ARSL: variants seen among roughly 807,000 people sequenced by gnomAD.
The protein encoded by ARSL is arylsulfatase E (chondrodysplasia punctata 1).
In ARSL, 4 loss-of-function variants were observed where a neutral mutation model predicts 31.1. The observed-to-expected ratio is 0.13, with a 90% CI of 0.06 to 0.29. The LOEUF is 0.29. Among genes scored for constraint, ARSL ranks in the 10% least tolerant of loss-of-function variants. The probability of loss-of-function intolerance (pLI) is 1.00; values close to 1 mark genes in which losing one functional copy is unlikely to be tolerated. For synonymous variants in ARSL, 198 were observed against 209.9 expected (o/e 0.94, Z 0.49); for missense variants, 312 against 497.8 (o/e 0.63, Z 3.55).
chrX:2,958,198 T>C (rs1015687570), intron 3 of ARSL, 76 bp downstream of exon 3: 7 of 1,159,516 alleles, frequency 6.0e-6, no homozygotes, highest in Non-Finnish European at 5.8e-6. Flanking sequence ...TCAAGGGTTA[T>C]ATGCATTTTC....
chrX:2,946,028 C>A lies in ARSL; in HGVS notation c.961G>T (p.Asp321Tyr). Residue 321 changes from aspartate to tyrosine, a missense_variant, in exon 7 of 11, where the codon GAC becomes TAC. By Grantham distance (160) the Asp-to-Tyr change is radical (BLOSUM62 -3). Coordinates refer to ENST00000381134, the MANE Select transcript of ARSL (RefSeq NM_000047.3). ...LGKSLHGLYG[D>Y]NVEEMDWMVG... is the part of the protein sequence containing the mutation. ...ATCCAGTCCATCTCCTCTACGTTGTCCCCATACAGCCCGTGGAGACTCTTC... is the reference window on the plus strand; with the variant it reads ...ATCCAGTCCATCTCCTCTACGTTGTACCCATACAGCCCGTGGAGACTCTTC... 1 of 1,211,149 alleles carries A rather than the reference C, an allele frequency of 8.3e-7. No individual in the cohort carries two copies. The highest frequency in any genetic ancestry group is 1.1e-6 in the Non-Finnish European group (1 of 895,256).
At chrX:2,943,258 C>G (rs141486597) in intron 7 of ARSL, 59 bp from the exon 8 acceptor site, 9 of 1,183,574 alleles carry the variant, frequency 7.6e-6, no homozygotes, top group Middle Eastern at 3.2e-4. Flanking sequence ...AAATGCAGCT[C>G]TGAAGTGTAT....
rs2089171279 is a variant in ARSL at position 2,934,615 on chromosome X, A to G, written c.*217T>C. The G allele has an allele frequency of 7.6e-6, 3 of 395,859 alleles. No individual in the cohort carries two copies. In the East Asian group the frequency reaches 1.2e-4, roughly 16 times the overall value. 32.6% of individuals were successfully genotyped at this position (395,859 alleles called of 1,213,427 possible). A position where few individuals can be genotyped will look rare whatever the true frequency, so the allele number is the denominator to read the frequency against. ...CTTAGCCTCCTGAGAAGCTAGAACT[A>G]CAGGCGTGTGCCACCATGCAGGCTA... On this transcript the variant is annotated 3_prime_UTR_variant, in exon 11 of 11. Coordinates refer to ENST00000381134, the MANE Select transcript of ARSL (RefSeq NM_000047.3).
intron 2 of ARSL, chrX:2,959,644 C>G: frequency 8.7e-7 from 1 of 1,154,108 alleles, no homozygotes; most frequent in Non-Finnish European, 1.1e-6. Flanking sequence ...CTGAGGCTGC[C>G]TGGGGCAACA....
At chrX:2,941,969 C>T (rs746751596) in intron 8 of ARSL, among the ~76,000 whole-genome samples, 11 of 112,768 alleles carry the variant, frequency 9.8e-5, no homozygotes, top group African/African-American at 2.3e-4. Context: ...TGGCAGGCCA[C>T]GTCTCACTAA....
intron 7 of ARSL, among the ~76,000 whole-genome samples, chrX:2,944,271 T>G (rs774473858): frequency 9.2e-6 from 1 of 108,851 alleles, no homozygotes; most frequent in African/African-American, 3.3e-5. Flanking sequence ...CTGGCCAACA[T>G]GGTGAAACCC....
intron 8 of ARSL, among the ~76,000 whole-genome samples, chrX:2,942,014 G>C (rs920114110): frequency 2.7e-5 from 3 of 112,395 alleles, no homozygotes; most frequent in Non-Finnish European, 5.6e-5. Context: ...CAGCACTGAC[G>C]AGTGGTGAAG....
intron 2 of ARSL, chrX:2,959,571 A>G (rs1446649902): frequency 8.9e-7 from 1 of 1,129,549 alleles, no homozygotes; most frequent in Non-Finnish European, 1.2e-6. Flanking sequence ...GGAAAACCAG[A>G]CACCTGGCCG....
chrX:2,945,802 C>G (rs959851064), intron 7 of ARSL, among the ~76,000 whole-genome samples, 196 bp downstream of exon 7: 1 of 112,312 alleles, frequency 8.9e-6, no homozygotes, highest in Non-Finnish European at 1.9e-5. Context: ...CGCATTGCCT[C>G]CCGTGCATGT....
Position 2,935,266 on chromosome X carries a change from G to T in ARSL, c.1412-76C>A, listed in dbSNP as rs759279080. The T allele has an allele frequency of 5.5e-5, 56 of 1,024,112 alleles. No individual in the cohort carries two copies. The African/African-American group carries it at 7.5e-4, about 14-fold the overall frequency. 84.4% of individuals were successfully genotyped at this position (1,024,112 alleles called of 1,213,427 possible). A position where few individuals can be genotyped will look rare whatever the true frequency, so the allele number is the denominator to read the frequency against. The stretch of plus-strand genomic sequence containing the variant: ...TGCTGGAGAATGGCATCTTCATAGG[G>T]CTAAAAGGTAGGCCTAACCCAAGCG... On this transcript the variant is annotated intron_variant, in intron 10 of 10. Transcript: ENST00000381134.
rs893041444 is a variant in ARSL, at chrX:2,955,477, G to A, written c.246C>T (p.Ala82=). 1.5e-5 allele frequency: 18 copies of A among 1,209,859 alleles called. No homozygotes were observed. The highest frequency in any genetic ancestry group is 2.0e-5 in the Non-Finnish European group (18 of 894,921). Residue 82 remains alanine (A), a synonymous_variant, in exon 4 of 11, where the codon GCC becomes GCT. Coordinates refer to ENST00000381134, the MANE Select transcript of ARSL (RefSeq NM_000047.3). ...CTCTGCTTGGGGTGCACAAAGATGC[G>A]GCAGAGATGTGTTGGGTCAGCTTCA... ...DGVKLTQHIS[A]ASLCTPSRAA...
intron 10 of ARSL, 23 bp downstream of exon 10, chrX:2,936,719 T>A: frequency 8.3e-7 from 1 of 1,210,068 alleles, no homozygotes; most frequent in Non-Finnish European, 1.1e-6. Context: ...CTAAGGGTGT[T>A]AGGAAGGGGC....
chrX:2,937,083 C>T (rs777537427), intron 9 of ARSL, among the ~76,000 whole-genome samples: 3 of 112,348 alleles, frequency 2.7e-5, no homozygotes, highest in Non-Finnish European at 3.8e-5. Context: ...CACCACCAAA[C>T]GTCACCTTTG....
At chrX:2,954,173 C>T (rs186145419) in intron 4 of ARSL, among the ~76,000 whole-genome samples, 82 of 111,664 alleles carry the variant, frequency 7.3e-4, no homozygotes, top group Non-Finnish European at 4.1e-4. Flanking sequence ...TTGGGTGGAA[C>T]TTGGGCTTTG....
chrX:2,952,499 CAT>C (rs1168452670), intron 5 of ARSL, among the ~76,000 whole-genome samples: 4 of 111,549 alleles, frequency 3.6e-5, no homozygotes, highest in Non-Finnish European at 3.8e-5. Flanking sequence ...TAATCCCACA[CAT>C]GAGGCTCCAC....
chrX:2,935,277 G>A, intron 10 of ARSL, 87 bp from the exon 11 acceptor site: 3 of 934,063 alleles, frequency 3.2e-6, no homozygotes, highest in Non-Finnish European at 4.6e-6. Context: ...CTAAAAGGTA[G>A]GCCTAACCCA....
upstream of ARSL, among the ~76,000 whole-genome samples, chrX:2,967,430 G>A (rs189439905): frequency 3.6e-5 from 4 of 110,802 alleles, no homozygotes; most frequent in Admixed American, 9.7e-5. Flanking sequence ...AAGACACAAG[G>A]TATCTTTAGA....
chrX:2,963,533 CTTTT>C (rs769134287), intron 1 of ARSL, among the ~76,000 whole-genome samples: 5 of 59,786 alleles, frequency 8.4e-5, no homozygotes, highest in African/African-American at 3.8e-4. Context: ...TTTTCTTTTC[CTTTT>C]TTTTTTTTTT....
intron 3 of ARSL, among the ~76,000 whole-genome samples, chrX:2,956,186 T>C (rs2089521886): frequency 8.9e-6 from 1 of 111,980 alleles, no homozygotes; most frequent in African/African-American, 3.2e-5. Context: ...TTTGACTTCA[T>C]GGACGCCAAC....
Sources: allele counts gnomAD v4.1 joint callset (sites outside exome capture counted in the v4.1 genomes callset), GRCh38; gene constraint gnomAD v4.1.1; transcripts MANE v1.5; gene names NCBI Gene and HGNC (gene_info 2026-07-23, HGNC 2026-07-21).